Variants in SEC14L5 observed in about 807,000 individuals in gnomAD.
The protein encoded by SEC14L5 is SEC14-like protein 5.
Under a neutral mutation model 84.6 loss-of-function variants are expected in SEC14L5, and 96 were observed. The ratio of observed to expected loss-of-function variants is 1.13; its 90% CI spans 0.96 to 1.34. The LOEUF (loss-of-function observed/expected upper bound fraction) is 1.34, where lower values mean the gene tolerates loss of function less well. Among genes scored for constraint, SEC14L5 ranks in the 40% most tolerant of loss-of-function variants. The probability of loss-of-function intolerance (pLI) is 0.00; values close to 1 mark genes in which losing one functional copy is unlikely to be tolerated. For synonymous variants in SEC14L5, 546 were observed against 383.4 expected (o/e 1.42, Z -4.95); for missense variants, 1,224 against 942.5 (o/e 1.30, Z -3.91).
intron 11 of SEC14L5, among the ~76,000 whole-genome samples, chr16:5,005,060 C>T (rs530167331): frequency 2.0e-5 from 3 of 152,210 alleles, no homozygotes; most frequent in Non-Finnish European, 4.4e-5. Flanking sequence ...CCTGTAATCC[C>T]AGTACTTTGA....
intron 14 of SEC14L5, among the ~76,000 whole-genome samples, chr16:5,009,940 T>A (rs999951786): frequency 6.6e-6 from 1 of 151,906 alleles, no homozygotes. Flanking sequence ...GCTTGAGTGC[T>A]GGGGAGGGGT....
intron 10 of SEC14L5, among the ~76,000 whole-genome samples, chr16:5,001,139 C>T (rs887320053): frequency 1.3e-5 from 2 of 151,788 alleles, no homozygotes; most frequent in Non-Finnish European, 2.9e-5. Flanking sequence ...TGGCCCCCAT[C>T]GAAGCTTGTG....
chr16:4,984,508 T>C (rs1480273672), intron 2 of SEC14L5, among the ~76,000 whole-genome samples: 1 of 152,258 alleles, frequency 6.6e-6, no homozygotes, highest in Non-Finnish European at 1.5e-5. Context: ...TTGTGTATTT[T>C]TTTGTGTGGA....
intron 3 of SEC14L5, 35 bp from the exon 4 acceptor site, chr16:4,988,114 C>T: frequency 6.2e-7 from 1 of 1,610,842 alleles, no homozygotes; most frequent in Non-Finnish European, 8.5e-7. Flanking sequence ...CCACGCCGCC[C>T]ACCCACCTCC....
intron 11 of SEC14L5, 73 bp downstream of exon 11, chr16:5,003,646 C>G: frequency 4.2e-6 from 4 of 951,728 alleles, no homozygotes; most frequent in Non-Finnish European, 6.3e-6. Flanking sequence ...CTGCAAGCAG[C>G]TCTGCTCTCT....
chr16:4,979,727 C>A (rs111292497), intron 2 of SEC14L5, among the ~76,000 whole-genome samples: 15 of 38,050 alleles, frequency 3.9e-4, no homozygotes, highest in African/African-American at 1.4e-3. Context: ...GCTTTTCTTG[C>A]TCCTGTCATT....
intron 2 of SEC14L5, among the ~76,000 whole-genome samples, chr16:4,965,660 C>CAAAAA (rs34483309): frequency 3.0e-4 from 16 of 53,110 alleles, no homozygotes; most frequent in South Asian, 1.4e-3. Flanking sequence ...GACTCCATCT[C>CAAAAA]AAAAAAAAAA....
At chr16:4,977,066 C>A (rs1390545851) in intron 2 of SEC14L5, among the ~76,000 whole-genome samples, 1 of 152,184 alleles carries the variant, frequency 6.6e-6, no homozygotes, top group African/African-American at 2.4e-5. Flanking sequence ...TCTCCCAGGG[C>A]AGGGTGCCTG....
At chr16:4,995,339 G>A (rs1353029283) in intron 6 of SEC14L5, among the ~76,000 whole-genome samples, 1 of 152,190 alleles carries the variant, frequency 6.6e-6, no homozygotes, top group Non-Finnish European at 1.5e-5. Flanking sequence ...CTGCACACTG[G>A]CAACATTCCG....
chr16:5,002,810 G>C (rs967372527), intron 10 of SEC14L5, among the ~76,000 whole-genome samples: 1 of 152,232 alleles, frequency 6.6e-6, no homozygotes, highest in African/African-American at 2.4e-5. Context: ...ACTGGGATTT[G>C]AACCTTGGCC....
rs200209498 is a variant in SEC14L5 at position 5,008,634 on chromosome 16, G to T, written c.1786G>T (p.Gly596Trp). 6.2e-6 allele frequency: 10 copies of T among 1,607,434 alleles called. No individual in the cohort carries two copies. Among genetic ancestry groups the T allele is most frequent in the Middle Eastern group, 3.3e-4 (2 of 6,020 alleles). Residue 596 changes from glycine to tryptophan, a missense_variant, in exon 14 of 16, where the codon GGG becomes TGG. Coordinates refer to ENST00000251170, the MANE Select transcript of SEC14L5 (RefSeq NM_014692.2). ...GGAGGCTCCCCTTGTCTGCCGGGAG[G>T]GGGAGAGCATCCAGGTTTGCATTTT... Reference protein sequence around the residue: ...RVEAPLVCREGESIQGSHVTR... With the variant: ...RVEAPLVCREWESIQGSHVTR...
intron 8 of SEC14L5, among the ~76,000 whole-genome samples, chr16:4,999,432 G>A (rs1596636914): frequency 6.6e-6 from 1 of 150,924 alleles, no homozygotes; most frequent in Non-Finnish European, 1.5e-5. Flanking sequence ...TAGTGAGCTC[G>A]CCCCCCTCCA....
rs1189769246 is a variant in SEC14L5 at position 5,000,663 on chromosome 16, C to A, written c.979C>A (p.Pro327Thr). Reference protein sequence around the residue: ...GWHYQDIDGRPLYILRLGQMD... With the variant: ...GWHYQDIDGRTLYILRLGQMD... ...TGGCCCCATCCACAAAGATGGCCGC[C>A]CCCTCTACATCCTCCGCCTGGGCCA... The change falls in exon 9 of 16, where the codon CCC becomes ACC. Residue 327 changes from proline to threonine, a missense_variant. Physicochemically the swap from Pro to Thr is conservative, Grantham distance 38. Coordinates refer to ENST00000251170, the MANE Select transcript of SEC14L5 (RefSeq NM_014692.2). The A allele has an allele frequency of 1.9e-6, 3 of 1,551,426 alleles. No individual in the cohort carries two copies. Among genetic ancestry groups the A allele is most frequent in the African/African-American group, 1.4e-5 (1 of 73,166 alleles).
At chr16:5,006,170 TG>T in intron 12 of SEC14L5, 122 bp downstream of exon 12, 1 of 975,358 alleles carries the variant, frequency 1.0e-6, no homozygotes, top group Non-Finnish European at 1.5e-6. Flanking sequence ...ATGTGCACTC[TG>T]CCTAGGGCAG....
At chr16:4,987,434 C>A (rs2142502227) in intron 2 of SEC14L5, 123 bp from the exon 3 acceptor site, 1 of 782,264 alleles carries the variant, frequency 1.3e-6, no homozygotes, top group South Asian at 1.9e-5. Flanking sequence ...ATCCCTGCCC[C>A]TTCCAGTGGC....
rs1356727301 is a variant in SEC14L5, at chr16:4,989,347, T to G, written c.345+1067T>G. On this transcript the variant is annotated intron_variant, in intron 4 of 15. Coordinates refer to ENST00000251170, the MANE Select transcript of SEC14L5 (RefSeq NM_014692.2). ...GTTTTGTTTTTTTTTTTGTTTGTTT[T>G]TTTGAGAGACAGTCTCGCTCTGTGG... is the stretch of plus-strand genomic sequence containing the variant. Among the ~76,000 whole-genome samples, 9 of 151,804 alleles carry G rather than the reference T, an allele frequency of 5.9e-5. 1 individual carries two copies. In the East Asian group the frequency reaches 1.4e-3, roughly 23 times the overall value.
chr16:4,962,761 C>A (rs1476903970), intron 2 of SEC14L5, among the ~76,000 whole-genome samples: 2 of 151,072 alleles, frequency 1.3e-5, no homozygotes, highest in Non-Finnish European at 2.9e-5. Flanking sequence ...TCCAGAGGGA[C>A]TGCCACAACC....
chr16:4,977,975 CA>C (rs1356899823), intron 2 of SEC14L5, among the ~76,000 whole-genome samples: 1 of 148,752 alleles, frequency 6.7e-6, no homozygotes, highest in Non-Finnish European at 1.5e-5. Context: ...TAATTTTTTG[CA>C]TTTTTAGTAG....
chr16:4,995,973 G>C (rs1596633749), intron 6 of SEC14L5, among the ~76,000 whole-genome samples: 1 of 152,252 alleles, frequency 6.6e-6, no homozygotes, highest in African/African-American at 2.4e-5. Context: ...TGCCTCACAG[G>C]GGTGTGGAGA....
Sources: gnomAD v4.1 joint callset for allele counts (sites outside exome capture counted in the v4.1 genomes callset) on GRCh38, gnomAD v4.1.1 for gene constraint, MANE v1.5 for transcripts, NCBI Gene and HGNC (gene_info 2026-07-23, HGNC 2026-07-21) for gene names.